Variants in HOMER2 observed in about 807,000 individuals in gnomAD.
The protein encoded by HOMER2 is homer protein homolog 2.
In HOMER2, 27 loss-of-function variants were observed where a neutral mutation model predicts 47.0. The ratio of observed to expected loss-of-function variants is 0.57; its 90% CI spans 0.42 to 0.79. The LOEUF (loss-of-function observed/expected upper bound fraction) is 0.79. HOMER2 is among the 30% of genes least tolerant of loss of function. HOMER2 has a pLI of 0.00. For synonymous variants in HOMER2, 161 were observed against 163.8 expected (o/e 0.98, Z 0.13); for missense variants, 443 against 435.0 (o/e 1.02, Z -0.16).
intron 1 of HOMER2, among the ~76,000 whole-genome samples, chr15:82,903,655 C>T (rs973853890): frequency 6.6e-6 from 1 of 151,726 alleles, no homozygotes; most frequent in African/African-American, 2.4e-5. Flanking sequence ...AGCGAAACTC[C>T]TCTAAACACA....
chr15:82,835,790 C>G (rs943441590), downstream of HOMER2: 2 of 152,286 alleles, frequency 1.3e-5, no homozygotes, highest in Non-Finnish European at 2.9e-5. Flanking sequence ...ATCCCAGAGA[C>G]AGGTCCAGTG....
At position 82,913,034 on chromosome 15, in the gene HOMER2, TG is replaced by T. The variant is rs2053491111; in HGVS notation, c.6-20194del. 6.6e-6 allele frequency among the ~76,000 whole-genome samples: 1 copy of T among 152,110 alleles called. No homozygotes were observed. The highest frequency in any genetic ancestry group is 2.4e-5 in the African/African-American group (1 of 41,406). On this transcript the variant is annotated intron_variant, in intron 1 of 8. Transcript: ENST00000450735. The surrounding 1 kb of genome is among the most constrained non-coding windows in gnomAD (Gnocchi z 4.1). ...TAGAAATACTGAAAACACAGAAAACTGGGGTGTAGAGAGACAAGAGGGAGTC... is the reference window on the plus strand; with the variant it reads ...TAGAAATACTGAAAACACAGAAAACTGGGTGTAGAGAGACAAGAGGGAGTC...
At chr15:82,954,279 T>C (rs906862383), upstream of HOMER2, among the ~76,000 whole-genome samples, 1 of 151,860 alleles carries the variant, frequency 6.6e-6, no homozygotes, top group Non-Finnish European at 1.5e-5. Context: ...GAGTTTTTCA[T>C]TTTTATTTTA....
chr15:82,975,585 T>C (rs2030171908), intron 1 of HOMER2, among the ~76,000 whole-genome samples: 1 of 152,188 alleles, frequency 6.6e-6, no homozygotes, highest in South Asian at 2.1e-4. Context: ...AGGAGGTCAT[T>C]ACATTAAGTG....
Position 82,852,229 on chromosome 15 carries a change from G to T in HOMER2, c.675C>A (p.Cys225Ter). 1 of 1,613,602 alleles carries T rather than the reference G, an allele frequency of 6.2e-7. No individual in the cohort carries two copies. The highest frequency in any genetic ancestry group is 8.5e-7 in the Non-Finnish European group (1 of 1,179,668). The change falls in exon 7 of 9, where the codon TGC (cysteine) becomes TGA (stop). Residue 225 changes from cysteine to a stop codon, truncating the protein, a stop_gained. Coordinates refer to ENST00000450735, the MANE Select transcript of HOMER2 (RefSeq NM_004839.4). LOFTEE classifies it high-confidence loss of function. ...TCTCCTTCTCTCTGTTGATCTCACT[G>T]CATTGTTCTTCCAGCTCATCAATCT... ...RNKIDELEEQ[C>*]SEINREKEKN... is the part of the protein sequence containing the mutation.
chr15:82,874,962 G>T (rs565089385), intron 3 of HOMER2, among the ~76,000 whole-genome samples: 1 of 152,260 alleles, frequency 6.6e-6, no homozygotes, highest in East Asian at 1.9e-4. Context: ...CCAGCGCTCA[G>T]TCTGTGCGCT....
intron 1 of HOMER2, chr15:82,951,992 C>T: frequency 1.0e-6 from 1 of 955,710 alleles, no homozygotes; most frequent in Non-Finnish European, 1.2e-6. Flanking sequence ...TCAGTTGTTT[C>T]AAAGACTGAA....
At chr15:82,968,538 G>C (rs1306907280) in intron 1 of HOMER2, among the ~76,000 whole-genome samples, 1 of 152,164 alleles carries the variant, frequency 6.6e-6, no homozygotes, top group Non-Finnish European at 1.5e-5. Flanking sequence ...CCTATCCAGA[G>C]GCATCTTTCC....
chr15:82,891,533 C>T (rs1211177138), intron 2 of HOMER2, among the ~76,000 whole-genome samples: 1 of 152,170 alleles, frequency 6.6e-6, no homozygotes, highest in Non-Finnish European at 1.5e-5. Context: ...GGGAGAGCTT[C>T]CCTGGAGGCT....
At chr15:82,925,029 T>C (rs1041646279) in intron 1 of HOMER2, among the ~76,000 whole-genome samples, 1 of 152,198 alleles carries the variant, frequency 6.6e-6, no homozygotes, top group Admixed American at 6.5e-5. Context: ...GCTGAAGCCC[T>C]TGAGGTGCTC....
intron 1 of HOMER2, among the ~76,000 whole-genome samples, chr15:82,922,820 C>T (rs1207948414): frequency 6.6e-6 from 1 of 152,134 alleles, no homozygotes; most frequent in African/African-American, 2.4e-5. Flanking sequence ...AATCCCTGCA[C>T]CCAACCTACA....
intron 7 of HOMER2, among the ~76,000 whole-genome samples, chr15:82,851,745 TAATG>T (rs1468606528): frequency 1.3e-5 from 2 of 152,164 alleles, no homozygotes; most frequent in African/African-American, 4.8e-5. Context: ...CTGGGCAACA[TAATG>T]AGACTCCATC....
chr15:82,854,621 C>CT (rs1408515066), intron 6 of HOMER2, 23 bp downstream of exon 6: 1 of 1,600,052 alleles, frequency 6.2e-7, no homozygotes, highest in Admixed American at 1.7e-5. Context: ...GGCCTCGGGG[C>CT]TCACTGCATC....
intron 2 of HOMER2, among the ~76,000 whole-genome samples, chr15:82,891,352 G>A (rs1322970918): frequency 1.3e-5 from 2 of 152,166 alleles, no homozygotes; most frequent in Admixed American, 6.5e-5. Flanking sequence ...AGGAAGAAGG[G>A]CTGTGGCAAC....
intron 6 of HOMER2, among the ~76,000 whole-genome samples, chr15:82,852,945 C>T (rs2051445595): frequency 6.6e-6 from 1 of 152,264 alleles, no homozygotes. Context: ...GGCACTCTCA[C>T]ACTGCCATTG....
intron 1 of HOMER2, among the ~76,000 whole-genome samples, chr15:82,905,291 A>AAC (rs397820399): frequency 9.6e-4 from 146 of 151,530 alleles, no homozygotes; most frequent in African/African-American, 3.0e-3. Flanking sequence ...AAAAAAAAAA[A>AAC]CCACCAAAAA....
Position 82,892,705 on chromosome 15 carries a change from T to C in HOMER2, c.142A>G (p.Ile48Val). 1 of 1,591,546 alleles carries C rather than the reference T, an allele frequency of 6.3e-7. No individual in the cohort carries two copies. The highest frequency in any genetic ancestry group is 8.6e-7 in the Non-Finnish European group (1 of 1,163,754). Residue 48 changes from isoleucine (I) to valine (V), a missense_variant, in exon 2 of 9, where the codon ATC becomes GTC. Coordinates refer to ENST00000450735, the MANE Select transcript of HOMER2 (RefSeq NM_004839.4). The stretch of plus-strand genomic sequence containing the variant: ...GGTACCTTGGCTCCGTCCACACTGA[T>C]GATCCGATAGCTGTTCCTTGTGACA... ...YDVTRNSYRI[I>V]SVDGAKVIIN...
chr15:82,919,032 G>A lies in HOMER2; in HGVS notation c.6-26191C>T, dbSNP rs555488315. Among the ~76,000 whole-genome samples the A allele has an allele frequency of 3.3e-5, 5 of 152,294 alleles. No individual in the cohort carries two copies. In the South Asian group the frequency reaches 8.3e-4, roughly 25 times the overall value. On this transcript the variant is annotated intron_variant, in intron 1 of 8. Coordinates refer to ENST00000450735, the MANE Select transcript of HOMER2 (RefSeq NM_004839.4). ...GGAAGAAGTAGCCTGCTGAGAAGGG[G>A]ATCTCAACCCTCAGGGTGCAGAGCA...
chr15:82,853,310 A>T (rs935010035), intron 6 of HOMER2, among the ~76,000 whole-genome samples: 3 of 152,250 alleles, frequency 2.0e-5, no homozygotes, highest in Non-Finnish European at 4.4e-5. Context: ...TGAGAAACTC[A>T]GCTCTTTTCT....
Sources: allele counts gnomAD v4.1 joint callset (sites outside exome capture counted in the v4.1 genomes callset), GRCh38; gene constraint gnomAD v4.1.1; non-coding constraint Gnocchi (gnomAD v3.1); transcripts MANE v1.5; gene names NCBI Gene and HGNC (gene_info 2026-07-23, HGNC 2026-07-21).